The following LTBP4 variants were observed in gnomAD, a reference collection of about 807,000 sequenced individuals.
LTBP4 encodes latent-transforming growth factor beta-binding protein 4.
In LTBP4, 93 loss-of-function variants were observed where a neutral mutation model predicts 180.2. That is an observed-to-expected ratio of 0.52 (90% CI 0.44 to 0.61). The LOEUF (loss-of-function observed/expected upper bound fraction) is 0.61. LTBP4 is among the 20% of genes least tolerant of loss of function. The pLI, the probability that LTBP4 is intolerant of heterozygous loss-of-function variation, is 0.00. For missense variants in LTBP4, 2,116 were observed against 2,256.5 expected, an observed-to-expected ratio of 0.94 and a Z score of 1.26; for synonymous variants, 947 against 934.5, an observed-to-expected ratio of 1.01 and a Z score of -0.24.
chr19:40,607,348 C>T lies in LTBP4; in HGVS notation c.992-17C>T, dbSNP rs2081470521. 6.3e-7 allele frequency: 1 copy of T among 1,583,310 alleles called. No homozygotes were observed. Among genetic ancestry groups the T allele is most frequent in the East Asian group, 2.3e-5 (1 of 43,058 alleles). Reference sequence around the variant, plus strand: ...TCCCAGCCCCGCCCTGAAGGATTTCCTCCCTGCTCCTCGCAGCCCAACACG... The same window carrying T: ...TCCCAGCCCCGCCCTGAAGGATTTCTTCCCTGCTCCTCGCAGCCCAACACG... On this transcript the variant is annotated splice_polypyrimidine_tract_variant and intron_variant, in intron 6 of 29. Coordinates refer to ENST00000396819, the MANE Select transcript of LTBP4 (RefSeq NM_001042545.2).
chr19:40,613,434 G>A lies in LTBP4; in HGVS notation c.2462G>A (p.Cys821Tyr). ...AACGAGTGCCTGGAGGGCGATTTCT[G>A]CTTCCCTCACGGCGAGTGCCTCAAC... ...DVNECLEGDF[C>Y]FPHGECLNTD... The change falls in exon 17 of 30, where the codon TGC becomes TAC. Residue 821 changes from cysteine (C) to tyrosine (Y), a missense_variant. Cys to Tyr is a radical substitution (Grantham distance 194). Transcript: ENST00000396819. The surrounding 1 kb of genome is among the most constrained non-coding windows in gnomAD (Gnocchi z 5.0). 2 of 1,605,558 alleles carry A rather than the reference G, an allele frequency of 1.2e-6. No individual in the cohort carries two copies. The highest frequency in any genetic ancestry group is 1.7e-6 in the Non-Finnish European group (2 of 1,176,508).
Position 40,613,846 on chromosome 19 carries a change from G to A in LTBP4, c.2558-70G>A, listed in dbSNP as rs747239209. 1.0e-5 allele frequency: 16 copies of A among 1,603,302 alleles called. No individual in the cohort carries two copies. The highest frequency in any genetic ancestry group is 1.4e-5 in the Non-Finnish European group (16 of 1,175,514). On this transcript the variant is annotated intron_variant, in intron 17 of 29. Coordinates refer to ENST00000396819, the MANE Select transcript of LTBP4 (RefSeq NM_001042545.2). The surrounding 1 kb of genome is among the most constrained non-coding windows in gnomAD (Gnocchi z 5.0). ...AGGCCTAGGAGAGCCGAGGGGCGGT[G>A]GAGGGGTGTGGCCTAGAATGTTAGG...
intron 24 of LTBP4, 130 bp downstream of exon 24, chr19:40,623,151 C>T: frequency 3.6e-6 from 2 of 563,360 alleles, no homozygotes; most frequent in Non-Finnish European, 5.9e-6. Flanking sequence ...CACCCATACT[C>T]TGTCTCTTTC....
At position 40,619,348 on chromosome 19, in the gene LTBP4, T is replaced by C. The variant is rs780487594; in HGVS notation, c.3072T>C (p.Asp1024=). Residue 1024 remains aspartate (D), a splice_region_variant and synonymous_variant, in exon 22 of 30, where the codon GAT becomes GAC. Transcript: ENST00000396819. ...EGARDGRHCV[D]VNECETLQGV... ...TCCCCTGTTGTCTCCTGCTTACAGA[T>C]GTGAACGAGTGTGAAACACTACAGG... The C allele has an allele frequency of 6.2e-7, 1 of 1,613,520 alleles. No individual in the cohort carries two copies. Among genetic ancestry groups the C allele is most frequent in the East Asian group, 2.2e-5 (1 of 44,862 alleles).
intron 15 of LTBP4, 115 bp from the exon 16 acceptor site, chr19:40,612,950 C>T (rs765679525): frequency 9.4e-7 from 1 of 1,068,666 alleles, no homozygotes; most frequent in Non-Finnish European, 1.4e-6. Flanking sequence ...AGAGCCCTCC[C>T]CCAGCCTCCA....
In LTBP4 at chr19:40,624,045, G is replaced by A. The variant is rs549132895; in HGVS notation, c.3795G>A (p.Ser1265=). 29 of 1,592,976 alleles carry A rather than the reference G, an allele frequency of 1.8e-5. No homozygotes were observed. The East Asian group carries it at 5.2e-4, about 29-fold the overall frequency. ...AGCCCCCACTGGTGCTGGATGGCTC[G>A]CAGCGCCGCTGCGTCTCCAACGAGA... is the stretch of plus-strand genomic sequence containing the variant. The part of the protein sequence containing the change: ...TCEPPLVLDG[S]QRRCVSNESQ... The change falls in exon 26 of 30, where the codon TCG becomes TCA. Residue 1265 remains serine (S), a synonymous_variant. Transcript: ENST00000396819.
intron 26 of LTBP4, among the ~76,000 whole-genome samples, chr19:40,625,107 C>T (rs116956820): frequency 0.012 from 1,857 of 149,944 alleles, 15 homozygotes; most frequent in Non-Finnish European, 0.019. Flanking sequence ...GACAAGATCT[C>T]GCTCTGTCAT....
Position 40,609,636 on chromosome 19 carries a change from C to T in LTBP4, c.1533C>T (p.Leu511=). 6.2e-7 allele frequency: 1 copy of T among 1,613,286 alleles called. No homozygotes were observed. Among genetic ancestry groups the T allele is most frequent in the Non-Finnish European group, 8.5e-7 (1 of 1,179,790 alleles). The part of the protein sequence containing the change: ...YTCACDSGFR[L]SPQGTRCIDV... Reference sequence around the variant, plus strand: ...GCGCTTGCGACTCTGGCTTCCGGCTCAGCCCCCAGGGCACCCGATGCATTG... The same window carrying T: ...GCGCTTGCGACTCTGGCTTCCGGCTTAGCCCCCAGGGCACCCGATGCATTG... Residue 511 remains leucine, a synonymous_variant, in exon 10 of 30, where the codon CTC becomes CTT. Coordinates refer to ENST00000396819, the MANE Select transcript of LTBP4 (RefSeq NM_001042545.2). The surrounding 1 kb of genome is among the most constrained non-coding windows in gnomAD (Gnocchi z 4.9).
upstream of LTBP4, chr19:40,601,277 G>T (rs1413516584): frequency 7.0e-6 from 6 of 853,506 alleles, no homozygotes; most frequent in Non-Finnish European, 8.4e-6. Flanking sequence ...GGTGAGGAGG[G>T]GGGGCCTGAG....
At chr19:40,616,830 T>C in intron 19 of LTBP4, 59 bp from the exon 20 acceptor site, 1 of 1,597,280 alleles carries the variant, frequency 6.3e-7, no homozygotes, top group South Asian at 1.1e-5. Context: ...CCGGAAGTGG[T>C]GTTAGAACTT....
intron 29 of LTBP4, 145 bp downstream of exon 29, chr19:40,628,002 C>A: frequency 8.4e-7 from 1 of 1,193,766 alleles, no homozygotes; most frequent in Non-Finnish European, 1.1e-6. Context: ...AGGAGTAATT[C>A]TTCCACCTGG....
chr19:40,629,364 C>T lies in LTBP4; in HGVS notation c.4520-32C>T, dbSNP rs935668017. 1.7e-5 allele frequency: 27 copies of T among 1,611,528 alleles called. No homozygotes were observed. Among genetic ancestry groups the T allele is most frequent in the Non-Finnish European group, 2.3e-5 (27 of 1,178,890 alleles). ...GGAGGCGAGCTTCTGGGGCCCCAGCCTTCAGCAGCGATCGTTGTCTCCCCT... is the reference window on the plus strand; with the variant it reads ...GGAGGCGAGCTTCTGGGGCCCCAGCTTTCAGCAGCGATCGTTGTCTCCCCT... On this transcript the variant is annotated intron_variant, in intron 29 of 29. Coordinates refer to ENST00000396819, the MANE Select transcript of LTBP4 (RefSeq NM_001042545.2). The surrounding 1 kb of genome is among the most constrained non-coding windows in gnomAD (Gnocchi z 4.5).
chr19:40,611,740 G>T lies in LTBP4; in HGVS notation c.2054-119G>T. The T allele has an allele frequency of 7.0e-7, 1 of 1,428,772 alleles. No individual in the cohort carries two copies. 88.5% of individuals were successfully genotyped at this position (1,428,772 alleles called of 1,614,324 possible). A position where few individuals can be genotyped will look rare whatever the true frequency, so the allele number is the denominator to read the frequency against. On this transcript the variant is annotated intron_variant, in intron 13 of 29. Coordinates refer to ENST00000396819, the MANE Select transcript of LTBP4 (RefSeq NM_001042545.2). This position sits in a 1 kb window ranked among gnomAD's most constrained non-coding sequence, Gnocchi z 4.4. Reference sequence around the variant, plus strand: ...AGGTGTCTGTCTTCCTGGGAAGAGGGAGCAGCCTGAGGCAAGTCCAGAAGG... The same window carrying T: ...AGGTGTCTGTCTTCCTGGGAAGAGGTAGCAGCCTGAGGCAAGTCCAGAAGG...
rs1191388870 is a variant in LTBP4 at position 40,606,356 on chromosome 19, G to T, written c.869-48G>T. The stretch of plus-strand genomic sequence containing the variant: ...GGGCTTGGTTCTGGGGGCGGGATTT[G>T]CAGGGATCAAGTTCCTGACTCCACG... On this transcript the variant is annotated intron_variant, in intron 5 of 29. Coordinates refer to ENST00000396819, the MANE Select transcript of LTBP4 (RefSeq NM_001042545.2). 4 of 1,603,930 alleles carry T rather than the reference G, an allele frequency of 2.5e-6. No homozygotes were observed. In the East Asian group the frequency reaches 9.0e-5, roughly 36 times the overall value.
In LTBP4 at chr19:40,614,918, G is replaced by C. The variant is rs72623869; in HGVS notation, c.2812+472G>C. Among the ~76,000 whole-genome samples, 259 of 152,242 alleles carry C rather than the reference G, an allele frequency of 1.7e-3. 4 individuals are homozygous for C. The East Asian group carries it at 0.044, about 26-fold the overall frequency. Reference sequence around the variant, plus strand: ...TTCTTTCCCAATGAGAAATTCCCAAGGTGAAATTCTCCTAGCATTGGCCCC... The same window carrying C: ...TTCTTTCCCAATGAGAAATTCCCAACGTGAAATTCTCCTAGCATTGGCCCC... On this transcript the variant is annotated intron_variant, in intron 19 of 29. Transcript: ENST00000396819.
chr19:40,624,959 G>A (rs1438674349), intron 26 of LTBP4, among the ~76,000 whole-genome samples: 4 of 151,536 alleles, frequency 2.6e-5, no homozygotes, highest in African/African-American at 9.7e-5. Context: ...CTCTTTGGAT[G>A]TGTTTCTCTC....
At chr19:40,621,127 C>T (rs2081583686) in intron 22 of LTBP4, among the ~76,000 whole-genome samples, 1 of 151,988 alleles carries the variant, frequency 6.6e-6, no homozygotes, top group South Asian at 2.1e-4. Flanking sequence ...ATTTTTAGTA[C>T]AGACGGGGTT....
rs756339752 is a variant in LTBP4, at chr19:40,605,574, A to C, written c.612A>C (p.Ala204=). The C allele has an allele frequency of 6.2e-7, 1 of 1,604,138 alleles. No individual in the cohort carries two copies. The highest frequency in any genetic ancestry group is 8.5e-7 in the Non-Finnish European group (1 of 1,176,028). Residue 204 remains alanine, a synonymous_variant, in exon 3 of 30, where the codon GCA becomes GCC. Transcript: ENST00000396819. The surrounding 1 kb of genome is among the most constrained non-coding windows in gnomAD (Gnocchi z 5.5). ...CGGCAGCGCCCTACACGGTGTTGGC[A>C]CAGAGCGCGCCGCGGGAGGACGGCT... ...AEAAAPYTVL[A]QSAPREDGYS...
intron 1 of LTBP4, among the ~76,000 whole-genome samples, chr19:40,601,933 C>G (rs539894907): frequency 6.6e-6 from 1 of 151,692 alleles, no homozygotes; most frequent in Non-Finnish European, 1.5e-5. Context: ...AATTGAGGGG[C>G]CTGAGAACTT....
Sources: allele counts gnomAD v4.1 joint callset (sites outside exome capture counted in the v4.1 genomes callset), GRCh38; gene constraint gnomAD v4.1.1; non-coding constraint Gnocchi (gnomAD v3.1); transcripts MANE v1.5; gene names NCBI Gene and HGNC (gene_info 2026-07-23, HGNC 2026-07-21).